The following HERC1 variants were observed in gnomAD, a reference collection of about 807,000 sequenced individuals.
HERC1 encodes the protein probable E3 ubiquitin-protein ligase HERC1.
In HERC1, 160 loss-of-function variants were observed where a neutral mutation model predicts 554.3. That is an observed-to-expected ratio of 0.29 (90% CI 0.25 to 0.33). HERC1 has a LOEUF of 0.33. Ranked by LOEUF, HERC1 falls within the 10% of genes least tolerant of loss-of-function variation. The pLI, the probability that HERC1 is intolerant of heterozygous loss-of-function variation, is 1.00. For missense variants in HERC1, 4,919 were observed against 5,918.5 expected (o/e 0.83, Z 5.54); for synonymous variants, 2,175 against 2,131.7 (o/e 1.02, Z -0.56).
chr15:63,799,514 TAGAAAA>T (rs1308507883), intron 1 of HERC1, among the ~76,000 whole-genome samples: 1 of 146,280 alleles, frequency 6.8e-6, no homozygotes, highest in African/African-American at 2.5e-5. Flanking sequence ...AAAAAAAAAA[TAGAAAA>T]AGAAAAAGAA....
chr15:63,728,302 CT>C (rs2074118096), intron 16 of HERC1, among the ~76,000 whole-genome samples: 1 of 152,076 alleles, frequency 6.6e-6, no homozygotes, highest in African/African-American at 2.4e-5. Flanking sequence ...ACAAAATTTG[CT>C]TTTTTAAAAA....
At chr15:63,759,621 C>A (rs900199962) in intron 3 of HERC1, among the ~76,000 whole-genome samples, 29 of 152,166 alleles carry the variant, frequency 1.9e-4, no homozygotes, top group African/African-American at 6.8e-4. Context: ...AACTTCTGTT[C>A]ACTTATTTAT....
Position 63,785,316 on chromosome 15 carries a change from T to C in HERC1, c.-26-9667A>G, listed in dbSNP as rs185703495. Among the ~76,000 whole-genome samples, 275 of 152,086 alleles carry C rather than the reference T, an allele frequency of 1.8e-3. 5 individuals are homozygous for C. The highest frequency in any genetic ancestry group is 2.2e-3 in the Non-Finnish European group (149 of 67,972). On this transcript the variant is annotated intron_variant, in intron 1 of 77. Coordinates refer to ENST00000443617, the MANE Select transcript of HERC1 (RefSeq NM_003922.4). Reference sequence around the variant, plus strand: ...GTACACGACTGTGGTCCCAGCAACTTAGGCTTGGGTGGGAGGATCGCTTGA... The same window carrying C: ...GTACACGACTGTGGTCCCAGCAACTCAGGCTTGGGTGGGAGGATCGCTTGA...
chr15:63,775,284 A>T lies in HERC1; in HGVS notation c.340T>A (p.Phe114Ile), dbSNP rs2076081614. Residue 114 changes from phenylalanine to isoleucine, a missense_variant, in exon 2 of 78, where the codon TTT becomes ATT. Phe to Ile is a conservative substitution (Grantham distance 21). Transcript: ENST00000443617. This position sits in a 1 kb window ranked among gnomAD's most constrained non-coding sequence, Gnocchi z 4.0. ...TGGTATTTATTAGAAAGTGCATAAA[A>T]GACACGCTGGAGTACAAGCAGTCGT... ...RKRLLVLQRV[F>I]YALSNKYHDK... 6.2e-7 allele frequency: 1 copy of T among 1,613,908 alleles called. No individual in the cohort carries two copies. Among genetic ancestry groups the T allele is most frequent in the Non-Finnish European group, 8.5e-7 (1 of 1,179,896 alleles).
chr15:63,634,102 C>A, intron 66 of HERC1, 132 bp from the exon 67 acceptor site: 2 of 941,010 alleles, frequency 2.1e-6, no homozygotes, highest in South Asian at 1.7e-5. Context: ...GGTTTCAGAG[C>A]ATACTACAAA....
At chr15:63,777,349 G>A (rs1236732146) in intron 1 of HERC1, among the ~76,000 whole-genome samples, 4 of 152,176 alleles carry the variant, frequency 2.6e-5, no homozygotes, top group Non-Finnish European at 5.9e-5. Context: ...ATCCCACCCT[G>A]ACTTCATTTG....
chr15:63,616,006 A>G, intron 75 of HERC1, 86 bp from the exon 76 acceptor site: 1 of 1,108,760 alleles, frequency 9.0e-7, no homozygotes, highest in Non-Finnish European at 1.3e-6. Context: ...CACAGCAATA[A>G]CAAACTCACA....
At chr15:63,657,229 T>A (rs896587323) in intron 48 of HERC1, among the ~76,000 whole-genome samples, 1 of 151,812 alleles carries the variant, frequency 6.6e-6, no homozygotes, top group Non-Finnish European at 1.5e-5. Flanking sequence ...GGGTGTGCAA[T>A]GGTATCTCAT....
intron 8 of HERC1, among the ~76,000 whole-genome samples, chr15:63,751,194 G>A (rs1020308247): frequency 5.3e-5 from 8 of 152,042 alleles, no homozygotes; most frequent in South Asian, 2.1e-4. Flanking sequence ...AAGATCTAAC[G>A]GAGTTTTGAT....
chr15:63,653,783 T>G (rs1166728623), intron 51 of HERC1, among the ~76,000 whole-genome samples: 1 of 152,220 alleles, frequency 6.6e-6, no homozygotes, highest in Non-Finnish European at 1.5e-5. Flanking sequence ...ACCCCAATAT[T>G]TTCCATTGGT....
chr15:63,734,666 T>A lies in HERC1; in HGVS notation c.2646+58A>T. ...TGGCAATTTATTAGTTTTATTTCCTTCTCAGTCCAAATTTTTAGGATACTA... is the reference window on the plus strand; with the variant it reads ...TGGCAATTTATTAGTTTTATTTCCTACTCAGTCCAAATTTTTAGGATACTA... On this transcript the variant is annotated intron_variant, in intron 13 of 77. Coordinates refer to ENST00000443617, the MANE Select transcript of HERC1 (RefSeq NM_003922.4). The surrounding 1 kb of genome is among the most constrained non-coding windows in gnomAD (Gnocchi z 4.6). 6.3e-6 allele frequency: 9 copies of A among 1,434,948 alleles called. No individual in the cohort carries two copies. Among genetic ancestry groups the A allele is most frequent in the Non-Finnish European group, 8.3e-6 (9 of 1,078,856 alleles). The allele number at this position is 1,434,948 out of a possible 1,614,324, so 88.9% of individuals were successfully genotyped here.
At chr15:63,774,177 T>C (rs2076043088) in intron 2 of HERC1, among the ~76,000 whole-genome samples, 6 of 152,172 alleles carry the variant, frequency 3.9e-5, no homozygotes, top group Admixed American at 3.9e-4. Context: ...CCCTCTTTTA[T>C]TTTTCTTCTT....
At chr15:63,804,823 A>C (rs554442438) in intron 1 of HERC1, among the ~76,000 whole-genome samples, 2 of 152,348 alleles carry the variant, frequency 1.3e-5, no homozygotes, top group African/African-American at 4.8e-5. Context: ...CAGCCAAAAA[A>C]GCGCATGAAA....
intron 1 of HERC1, among the ~76,000 whole-genome samples, chr15:63,823,574 T>G (rs2077776894): frequency 6.6e-6 from 1 of 152,230 alleles, no homozygotes; most frequent in Non-Finnish European, 1.5e-5. Context: ...GCTTGTTATC[T>G]GAACCTCAGA....
At chr15:63,713,722 A>G (rs1282920972) in intron 22 of HERC1, 57 bp from the exon 23 acceptor site, 2 of 1,437,302 alleles carry the variant, frequency 1.4e-6, no homozygotes, top group African/African-American at 2.9e-5. Context: ...AGAGCAAAGA[A>G]AATAACAATA....
At chr15:63,746,615 C>G (rs2075063439) in intron 12 of HERC1, among the ~76,000 whole-genome samples, 1 of 152,104 alleles carries the variant, frequency 6.6e-6, no homozygotes, top group Non-Finnish European at 1.5e-5. Flanking sequence ...AGGAACTCAT[C>G]TTCTGGTGAA....
Position 63,694,862 on chromosome 15 carries a change from C to T in HERC1, c.5154G>A (p.Gln1718=). 6.2e-7 allele frequency: 1 copy of T among 1,613,730 alleles called. No homozygotes were observed. The highest frequency in any genetic ancestry group is 8.5e-7 in the Non-Finnish European group (1 of 1,179,714). The change falls in exon 28 of 78, where the codon CAG becomes CAA. Residue 1718 remains glutamine, a synonymous_variant. Transcript: ENST00000443617. The surrounding 1 kb of genome is among the most constrained non-coding windows in gnomAD (Gnocchi z 4.3). The stretch of plus-strand genomic sequence containing the variant: ...TATGCACAGCTACCTGGATTTCAAT[C>T]TGAATATTTCTCTTAGCTGCTCTGA... The part of the protein sequence containing the change: ...DGIRAAKRNI[Q]IEIQVAVHKI...
chr15:63,723,224 G>A lies in HERC1; in HGVS notation c.3700C>T (p.Arg1234Ter), dbSNP rs777289562. Reference sequence around the variant, plus strand: ...TCCTGCATGCTGATCCAAAGGCTTCGGGCAGGCTCTTTAGAACAACCCAAT... The same window carrying A: ...TCCTGCATGCTGATCCAAAGGCTTCAGGCAGGCTCTTTAGAACAACCCAAT... The part of the protein sequence containing the change: ...LALGCSKEPA[R>*]SLWISMQDYA... The change falls in exon 19 of 78, where the codon CGA (arginine) becomes TGA (stop). Residue 1234 changes from arginine (R) to a stop codon, truncating the protein, a stop_gained. Coordinates refer to ENST00000443617, the MANE Select transcript of HERC1 (RefSeq NM_003922.4). LOFTEE classifies it high-confidence loss of function. The A allele has an allele frequency of 1.3e-6, 2 of 1,589,318 alleles. No individual in the cohort carries two copies. Among genetic ancestry groups the A allele is most frequent in the Non-Finnish European group, 1.7e-6 (2 of 1,167,012 alleles).
intron 74 of HERC1, among the ~76,000 whole-genome samples, chr15:63,617,694 C>T (rs1196518826): frequency 5.9e-5 from 9 of 152,112 alleles, no homozygotes; most frequent in Non-Finnish European, 1.3e-4. Flanking sequence ...TCTTAATGAT[C>T]GCCATTCTAA....
Sources: gnomAD v4.1 joint callset for allele counts (sites outside exome capture counted in the v4.1 genomes callset) on GRCh38, gnomAD v4.1.1 for gene constraint, Gnocchi (gnomAD v3.1) non-coding constraint, MANE v1.5 for transcripts, NCBI Gene and HGNC (gene_info 2026-07-23, HGNC 2026-07-21) for gene names.